MYO1D: variants seen among roughly 807,000 people sequenced by gnomAD.
The protein encoded by MYO1D is myosin ID.
MYO1D carries 83 observed loss-of-function variants against 122.0 expected under a neutral mutation model. That is an observed-to-expected ratio of 0.68 (90% confidence interval 0.57 to 0.82). MYO1D has a LOEUF of 0.82. Ranked by LOEUF, MYO1D falls within the 40% of genes least tolerant of loss-of-function variation. The pLI, the probability that MYO1D is intolerant of heterozygous loss-of-function variation, is 0.00. For missense variants in MYO1D, 1,157 were observed against 1,269.5 expected, an observed-to-expected ratio of 0.91 and a Z score of 1.35; for synonymous variants, 464 against 446.9, an observed-to-expected ratio of 1.04 and a Z score of -0.48.
chr17:32,689,853 G>A (rs1213570357), intron 16 of MYO1D, among the ~76,000 whole-genome samples: 3 of 151,726 alleles, frequency 2.0e-5, no homozygotes, highest in South Asian at 2.1e-4. Context: ...CGAGTAGCTG[G>A]GATTACATGT....
intron 3 of MYO1D, among the ~76,000 whole-genome samples, 162 bp from the exon 4 acceptor site, chr17:32,776,191 T>C (rs982245356): frequency 8.6e-5 from 13 of 151,862 alleles, no homozygotes; most frequent in Admixed American, 8.5e-4. Context: ...TGTCCACCAA[T>C]AGGGATAAAA....
At chr17:32,612,729 G>C (rs8078020) in intron 20 of MYO1D, among the ~76,000 whole-genome samples, 88,706 of 144,452 alleles carry the variant, frequency 0.61, 27,464 homozygotes, top group Middle Eastern at 0.72. Context: ...GAAGAAATTA[G>C]AAGAGAAAAA....
At chr17:32,520,199 T>C (rs972827879) in intron 21 of MYO1D, among the ~76,000 whole-genome samples, 7 of 152,114 alleles carry the variant, frequency 4.6e-5, no homozygotes, top group Non-Finnish European at 1.0e-4. Flanking sequence ...CTGTACTCTG[T>C]GAGGGTGGAA....
intron 21 of MYO1D, among the ~76,000 whole-genome samples, chr17:32,586,654 T>C (rs892878670): frequency 6.6e-6 from 1 of 152,224 alleles, no homozygotes; most frequent in Non-Finnish European, 1.5e-5. Flanking sequence ...TTTTCCCTTC[T>C]AAGTACGTAT....
intron 1 of MYO1D, among the ~76,000 whole-genome samples, chr17:32,850,140 T>C (rs538860906): frequency 2.0e-5 from 3 of 152,326 alleles, no homozygotes; most frequent in Non-Finnish European, 2.9e-5. Context: ...ACTTTTTTTT[T>C]CCATTATTGT....
At chr17:32,714,318 C>T (rs1038257792) in intron 15 of MYO1D, among the ~76,000 whole-genome samples, 3 of 151,254 alleles carry the variant, frequency 2.0e-5, no homozygotes, top group Middle Eastern at 3.4e-3. Context: ...AGAACATGTG[C>T]GGTTTGGTTT....
chr17:32,581,276 G>T (rs1425447512), intron 21 of MYO1D, among the ~76,000 whole-genome samples: 1 of 151,954 alleles, frequency 6.6e-6, no homozygotes, highest in Admixed American at 6.6e-5. Flanking sequence ...GATAGAATTT[G>T]TATTGATGTC....
intron 6 of MYO1D, 74 bp from the exon 7 acceptor site, chr17:32,767,826 A>T (rs2151020947): frequency 9.3e-7 from 1 of 1,071,660 alleles, no homozygotes. Context: ...TATAAAACTA[A>T]GTTATACCAA....
intron 8 of MYO1D, 60 bp downstream of exon 8, chr17:32,764,818 T>G (rs767487960): frequency 3.9e-6 from 6 of 1,538,894 alleles, no homozygotes; most frequent in Non-Finnish European, 5.4e-6. Flanking sequence ...GCTCACAGGA[T>G]TTCACTCAAT....
intron 16 of MYO1D, among the ~76,000 whole-genome samples, chr17:32,672,331 T>C (rs2088733225): frequency 6.6e-6 from 1 of 152,248 alleles, no homozygotes; most frequent in Non-Finnish European, 1.5e-5. Context: ...TAATGGTATA[T>C]AAAGCAATAA....
chr17:32,577,091 A>G (rs529959452), intron 21 of MYO1D, among the ~76,000 whole-genome samples: 18 of 152,266 alleles, frequency 1.2e-4, no homozygotes, highest in Middle Eastern at 6.8e-3. Flanking sequence ...CTCTATTACA[A>G]TACAAAAAAA....
In MYO1D at chr17:32,875,768, A is replaced by G. The variant is rs2091222736; in HGVS notation, c.95+1010T>C. Among the ~76,000 whole-genome samples, 4 of 152,226 alleles carry G rather than the reference A, an allele frequency of 2.6e-5. No homozygotes were observed. In the South Asian group the frequency reaches 6.2e-4, roughly 24 times the overall value. On this transcript the variant is annotated intron_variant, in intron 1 of 21. Transcript: ENST00000318217. Reference sequence around the variant, plus strand: ...GTTAAGCACCCAAGCCTAGATTATGACTTTCACTTTATAAGCTTAAGGAAT... The same window carrying G: ...GTTAAGCACCCAAGCCTAGATTATGGCTTTCACTTTATAAGCTTAAGGAAT...
At chr17:32,619,967 T>A (rs560842518) in intron 20 of MYO1D, among the ~76,000 whole-genome samples, 1 of 152,374 alleles carries the variant, frequency 6.6e-6, no homozygotes, top group South Asian at 2.1e-4. Context: ...TAGGAGACTC[T>A]GGATCTTACT....
At chr17:32,690,953 C>T (rs1270406268) in intron 16 of MYO1D, among the ~76,000 whole-genome samples, 1 of 152,158 alleles carries the variant, frequency 6.6e-6, no homozygotes, top group Non-Finnish European at 1.5e-5. Context: ...TTGCTAAGTA[C>T]AGTCGCTCTA....
intron 21 of MYO1D, among the ~76,000 whole-genome samples, chr17:32,603,991 T>C (rs937597116): frequency 1.1e-4 from 17 of 152,238 alleles, no homozygotes; most frequent in African/African-American, 4.1e-4. Flanking sequence ...TAAAAGCATT[T>C]AATGATAGAA....
intron 1 of MYO1D, among the ~76,000 whole-genome samples, chr17:32,863,212 A>G (rs898535030): frequency 6.6e-6 from 1 of 152,258 alleles, no homozygotes; most frequent in Non-Finnish European, 1.5e-5. Context: ...GTTCAACCAC[A>G]CAAACAATTC....
chr17:32,749,588 G>A lies in MYO1D; in HGVS notation c.1468-582C>T, dbSNP rs190778807. Among the ~76,000 whole-genome samples, 349 of 152,150 alleles carry A rather than the reference G, an allele frequency of 2.3e-3. 1 individual carries two copies. The highest frequency in any genetic ancestry group is 8.1e-3 in the African/African-American group (337 of 41,514). On this transcript the variant is annotated intron_variant, in intron 11 of 21. Transcript: ENST00000318217. ...TCTACTAAAAATACAAAAATTAGGC[G>A]TGGTGGTATGCATCTGTAGTCCCAC...
intron 16 of MYO1D, among the ~76,000 whole-genome samples, chr17:32,667,376 G>A (rs9913105): frequency 0.14 from 21,620 of 152,086 alleles, 3,474 homozygotes; most frequent in African/African-American, 0.39. Context: ...TGTTTTTACC[G>A]GACTAGCAGG....
intron 16 of MYO1D, among the ~76,000 whole-genome samples, chr17:32,704,983 T>C (rs534297249): frequency 1.1e-4 from 16 of 152,250 alleles, no homozygotes; most frequent in African/African-American, 3.4e-4. Context: ...TTATCCACTA[T>C]AAAATCAATA....
Sources: allele counts gnomAD v4.1 joint callset (sites outside exome capture counted in the v4.1 genomes callset), GRCh38; gene constraint gnomAD v4.1.1; transcripts MANE v1.5; gene names NCBI Gene and HGNC (gene_info 2026-07-23, HGNC 2026-07-21).